HPD: variants seen among roughly 807,000 people sequenced by gnomAD.
HPD encodes 4-hydroxyphenylpyruvic acid oxidase.
Under a neutral mutation model 56.9 loss-of-function variants are expected in HPD, and 35 were observed. That is an observed-to-expected ratio of 0.62 (90% CI 0.47 to 0.82). HPD has a LOEUF of 0.82. Ranked by LOEUF, HPD falls within the 40% of genes least tolerant of loss-of-function variation. The pLI is 0.00. For synonymous variants in HPD, 186 were observed against 200.2 expected, an observed-to-expected ratio of 0.93 and a Z score of 0.60; for missense variants, 442 against 506.8, an observed-to-expected ratio of 0.87 and a Z score of 1.23.
the HPD span, among the ~76,000 whole-genome samples, chr12:121,887,136 G>C: frequency 2.6e-5 from 4 of 151,950 alleles, no homozygotes; most frequent in Non-Finnish European, 5.9e-5. Flanking sequence ...CTGACCTCAA[G>C]TGATCCACCC....
chr12:121,884,730 CAGAAAAG>C, the HPD span, among the ~76,000 whole-genome samples: 2 of 152,094 alleles, frequency 1.3e-5, no homozygotes, highest in South Asian at 4.1e-4. Context: ...TTTAAACTCA[CAGAAAAG>C]TTCCAAAAAT....
At chr12:121,851,041 T>C (rs1877755366) in intron 7 of HPD, among the ~76,000 whole-genome samples, 1 of 151,884 alleles carries the variant, frequency 6.6e-6, no homozygotes, top group Non-Finnish European at 1.5e-5. Context: ...TTTTGTATTT[T>C]TAGTAGAGAT....
Position 121,847,033 on chromosome 12 carries a change from C to A in HPD, c.759+19G>T, listed in dbSNP as rs747115644. ...ACCTCTTCCCTGCTCCCCTCTCCCCCAGCCAGGGGCGGCCTCACCTGGATC... is the reference window on the plus strand; with the variant it reads ...ACCTCTTCCCTGCTCCCCTCTCCCCAAGCCAGGGGCGGCCTCACCTGGATC... On this transcript the variant is annotated intron_variant, in intron 10 of 13. Coordinates refer to ENST00000289004, the MANE Select transcript of HPD (RefSeq NM_002150.3). 23 of 1,614,114 alleles carry A rather than the reference C, an allele frequency of 1.4e-5. No homozygotes were observed. Among genetic ancestry groups the A allele is most frequent in the Non-Finnish European group, 1.6e-5 (19 of 1,179,988 alleles).
In HPD at chr12:121,846,512, C is replaced by T. The variant is rs149239103; in HGVS notation, c.831+350G>A. On this transcript the variant is annotated intron_variant, in intron 11 of 13. Coordinates refer to ENST00000289004, the MANE Select transcript of HPD (RefSeq NM_002150.3). ...GATTACAGGTGTGAGCCACTGTGCC[C>T]GGCCCTAATTTCCTGATTTTTAAGG... 5.0e-3 allele frequency among the ~76,000 whole-genome samples: 766 copies of T among 152,274 alleles called. 3 individuals carry two copies. Among genetic ancestry groups the T allele is most frequent in the African/African-American group, 0.017 (697 of 41,560 alleles).
chr12:121,874,761 CTTTCT>C, the HPD span, among the ~76,000 whole-genome samples: 3 of 128,872 alleles, frequency 2.3e-5, no homozygotes, highest in African/African-American at 9.5e-5. Context: ...TTCTTTGTCA[CTTTCT>C]TTTTTTTTTT....
intron 7 of HPD, among the ~76,000 whole-genome samples, chr12:121,850,772 C>T (rs542550608): frequency 1.4e-5 from 2 of 139,546 alleles, no homozygotes; most frequent in African/African-American, 5.4e-5. Context: ...GATCTTGGCT[C>T]TCTGCAACCT....
chr12:121,879,233 C>T, the HPD span, among the ~76,000 whole-genome samples: 35 of 151,462 alleles, frequency 2.3e-4, no homozygotes, highest in Admixed American at 7.3e-4. Context: ...TGCAATGAGC[C>T]GAGATTGCAC....
the HPD span, among the ~76,000 whole-genome samples, chr12:121,871,976 T>A: frequency 1.3e-5 from 2 of 150,886 alleles, no homozygotes; most frequent in African/African-American, 4.9e-5. Context: ...CTCACGACTG[T>A]AATCCCAGCA....
the HPD span, among the ~76,000 whole-genome samples, chr12:121,880,242 G>A: frequency 2.7e-5 from 4 of 149,918 alleles, no homozygotes; most frequent in Admixed American, 6.7e-5. Flanking sequence ...TTGCTCTGTC[G>A]CCCAGACTCG....
At chr12:121,844,757 T>G (rs1037236188) in intron 11 of HPD, among the ~76,000 whole-genome samples, 1 of 151,454 alleles carries the variant, frequency 6.6e-6, no homozygotes, top group Admixed American at 6.6e-5. Context: ...GGTGGGAGCG[T>G]GTAGTCCCAG....
the HPD span, among the ~76,000 whole-genome samples, chr12:121,873,815 CAA>C: frequency 1.5e-4 from 22 of 148,208 alleles, no homozygotes; most frequent in East Asian, 4.0e-4. Context: ...GACTCCGTCT[CAA>C]AAAAAAAAAA....
the HPD span, among the ~76,000 whole-genome samples, chr12:121,877,129 C>G: frequency 1.2e-3 from 185 of 150,924 alleles, 2 homozygotes; most frequent in Admixed American, 1.9e-3. Flanking sequence ...TTATGAGTCT[C>G]TGTTACCTAC....
At chr12:121,875,897 G>T in the HPD span, among the ~76,000 whole-genome samples, 10 of 152,198 alleles carry the variant, frequency 6.6e-5, no homozygotes, top group African/African-American at 2.4e-4. Context: ...GAGTCTGGAG[G>T]ATCATTTCAG....
chr12:121,886,294 G>A, the HPD span, among the ~76,000 whole-genome samples: 1 of 151,496 alleles, frequency 6.6e-6, no homozygotes, highest in Non-Finnish European at 1.5e-5. Flanking sequence ...ATTTTTAGTA[G>A]AGATGGAGTT....
At position 121,856,543 on chromosome 12, in the gene HPD, A is replaced by C. The variant is rs746227593; in HGVS notation, c.241+40T>G. 5.6e-6 allele frequency: 9 copies of C among 1,610,828 alleles called. No individual in the cohort carries two copies. In the South Asian group the frequency reaches 9.9e-5, roughly 18 times the overall value. The stretch of plus-strand genomic sequence containing the variant: ...TCCACCCTCCCAGAACCCAGATCCC[A>C]CCCACAGAGCCATGCGTCCACCCTC... On this transcript the variant is annotated intron_variant, in intron 5 of 13. Transcript: ENST00000289004.
chr12:121,841,328 C>T (rs1297675493), intron 12 of HPD, among the ~76,000 whole-genome samples: 1 of 152,146 alleles, frequency 6.6e-6, no homozygotes, highest in East Asian at 1.9e-4. Flanking sequence ...CAAGATCGCA[C>T]CACTGCACCC....
the HPD span, among the ~76,000 whole-genome samples, chr12:121,876,738 C>T: frequency 1.3e-5 from 2 of 152,058 alleles, no homozygotes; most frequent in South Asian, 2.1e-4. Context: ...GCTGAATTGC[C>T]TTCAATACAT....
At chr12:121,843,622 C>T (rs779689699) in intron 12 of HPD, 88 bp downstream of exon 12, 2 of 1,506,356 alleles carry the variant, frequency 1.3e-6, no homozygotes, top group South Asian at 2.3e-5. Context: ...GTCTGGGCTC[C>T]CCTCCGGGCT....
At chr12:121,881,909 C>G in the HPD span, among the ~76,000 whole-genome samples, 9 of 90,386 alleles carry the variant, frequency 1.0e-4, 2 homozygotes, top group East Asian at 2.9e-3. Flanking sequence ...GCCTCCCAAA[C>G]TATTGGGATT....
Sources: allele counts gnomAD v4.1 joint callset (sites outside exome capture counted in the v4.1 genomes callset), GRCh38; gene constraint gnomAD v4.1.1; transcripts MANE v1.5; gene names NCBI Gene and HGNC (gene_info 2026-07-23, HGNC 2026-07-21).